The following TSPEAR variants were observed in gnomAD, a reference collection of about 807,000 sequenced individuals.
The protein encoded by TSPEAR is thrombospondin type laminin G domain and EAR repeats.
In TSPEAR, 69 loss-of-function variants were observed where a neutral mutation model predicts 71.6. That is an observed-to-expected ratio of 0.96 (90% CI 0.79 to 1.18). The LOEUF is 1.18. Ranked by LOEUF, TSPEAR falls within the 50% of genes most tolerant of loss-of-function variation. The pLI is 0.00. For synonymous variants in TSPEAR, 402 were observed against 387.2 expected (o/e 1.04, Z -0.45); for missense variants, 971 against 894.9 (o/e 1.09, Z -1.09).
intron 1 of TSPEAR, chr21:44,592,526 A>G (rs1980053305): frequency 1.3e-6 from 2 of 1,566,604 alleles, no homozygotes; most frequent in Non-Finnish European, 1.7e-6. Context: ...TGAGCCTGTG[A>G]GGTGCTGAGG....
intron 1 of TSPEAR, among the ~76,000 whole-genome samples, chr21:44,582,831 CTTCT>C (rs1555925321): frequency 7.8e-5 from 4 of 51,374 alleles, no homozygotes; most frequent in Non-Finnish European, 1.6e-4. Context: ...TCTTTTCTTC[CTTCT>C]TTCTTTCTTT....
rs587735747 is a variant in TSPEAR, at chr21:44,512,452, G to C, written c.1567-3066C>G. On this transcript the variant is annotated intron_variant, in intron 9 of 11. Transcript: ENST00000323084. Reference sequence around the variant, plus strand: ...GGTACATCCCTAGGGATGGAGACAGGGGCTTTGGGAGACCACTCAGAGAAC... The same window carrying C: ...GGTACATCCCTAGGGATGGAGACAGCGGCTTTGGGAGACCACTCAGAGAAC... Among the ~76,000 whole-genome samples, 16 of 152,200 alleles carry C rather than the reference G, an allele frequency of 1.1e-4. No homozygotes were observed. In the East Asian group the frequency reaches 2.9e-3, roughly 28 times the overall value.
chr21:44,590,754 A>C (rs1555926379), intron 1 of TSPEAR, among the ~76,000 whole-genome samples: 1 of 150,900 alleles, frequency 6.6e-6, no homozygotes, highest in African/African-American at 2.5e-5. Flanking sequence ...GGGAGGGTGA[A>C]TGTGGCTCAG....
At chr21:44,515,036 C>T (rs370712044) in intron 9 of TSPEAR, among the ~76,000 whole-genome samples, 1 of 152,194 alleles carries the variant, frequency 6.6e-6, no homozygotes, top group Admixed American at 6.5e-5. Flanking sequence ...ACCCCACACC[C>T]CCGCAGACCC....
chr21:44,553,382 CAATACCAAATTT>C (rs1555919377), intron 2 of TSPEAR, among the ~76,000 whole-genome samples: 1 of 152,072 alleles, frequency 6.6e-6, no homozygotes, highest in Non-Finnish European at 1.5e-5. Context: ...AGCAAGTCTT[CAATACCAAATTT>C]AATACCAAAC....
At chr21:44,518,917 C>G (rs2052670671) in intron 9 of TSPEAR, 2 of 256,488 alleles carry the variant, frequency 7.8e-6, no homozygotes, top group Middle Eastern at 4.7e-4. Flanking sequence ...TGGTGTGGAG[C>G]CCCGGGTGTT....
chr21:44,550,685 T>A lies in TSPEAR; in HGVS notation c.304-16762A>T, dbSNP rs371477787. 3.9e-5 allele frequency: 63 copies of A among 1,613,088 alleles called. No individual in the cohort carries two copies. The African/African-American group carries it at 7.9e-4, about 20-fold the overall frequency. Reference sequence around the variant, plus strand: ...TGAGCCCGGCTGGCCCTGGGGGACATGGCCATCAGCAGCTAGACTTTTGGC... The same window carrying A: ...TGAGCCCGGCTGGCCCTGGGGGACAAGGCCATCAGCAGCTAGACTTTTGGC... On this transcript the variant is annotated intron_variant, in intron 2 of 11. Transcript: ENST00000323084.
intron 1 of TSPEAR, chr21:44,600,502 G>A (rs1036133842): frequency 2.1e-5 from 26 of 1,218,480 alleles, no homozygotes; most frequent in African/African-American, 1.2e-4. Context: ...CACTCCAGCT[G>A]GGACAACAGA....
At position 44,711,460 on chromosome 21, in the gene TSPEAR, C is replaced by T. The variant is rs782382942; in HGVS notation, c.55G>A (p.Gly19Ser). The T allele has an allele frequency of 1.7e-5, 28 of 1,610,604 alleles. No homozygotes were observed. The South Asian group carries it at 2.0e-4, about 11-fold the overall frequency. The change falls in exon 1 of 12, where the codon GGC becomes AGC. Residue 19 changes from glycine to serine, a missense_variant. Coordinates refer to ENST00000323084, the MANE Select transcript of TSPEAR (RefSeq NM_144991.3). The surrounding 1 kb of genome is among the most constrained non-coding windows in gnomAD (Gnocchi z 4.5). ...FVLPLAAPGH[G>S]TQGWEPCTDL... ...GTGCAGGGCTCCCAACCCTGCGTGC[C>T]GTGGCCGGGGGCCGCCAGGGGCAGC...
intron 1 of TSPEAR, chr21:44,573,710 A>C: frequency 6.3e-7 from 1 of 1,583,584 alleles, no homozygotes; most frequent in Non-Finnish European, 8.6e-7. Context: ...TCGCTCACCC[A>C]CTCCCTCCCA....
rs1210227424 is a variant in TSPEAR at position 44,700,498 on chromosome 21, C to T, written c.82+10935G>A. Among the ~76,000 whole-genome samples, 3 of 152,162 alleles carry T rather than the reference C, an allele frequency of 2.0e-5. No individual in the cohort carries two copies. In the East Asian group the frequency reaches 5.8e-4, roughly 29 times the overall value. On this transcript the variant is annotated intron_variant, in intron 1 of 11. Coordinates refer to ENST00000323084, the MANE Select transcript of TSPEAR (RefSeq NM_144991.3). The stretch of plus-strand genomic sequence containing the variant: ...CCCAGAACCCCCCTTGCCAACCAAA[C>T]AGCACACAGTGAGAGGGGCCTGGAG...
At chr21:44,646,339 C>G in intron 1 of TSPEAR, 1 of 1,414,104 alleles carries the variant, frequency 7.1e-7, no homozygotes, top group Non-Finnish European at 9.6e-7. Context: ...CCTGTTGGGA[C>G]AACACATGCC....
intron 1 of TSPEAR, among the ~76,000 whole-genome samples, chr21:44,681,265 T>TCAGTGCTC (rs1986571578): frequency 6.6e-6 from 1 of 152,230 alleles, no homozygotes; most frequent in African/African-American, 2.4e-5. Context: ...AGCCCGATCC[T>TCAGTGCTC]CAGTGCTCTG....
chr21:44,707,939 G>A (rs1988017116), intron 1 of TSPEAR, among the ~76,000 whole-genome samples: 1 of 151,656 alleles, frequency 6.6e-6, no homozygotes, highest in African/African-American at 2.4e-5. Flanking sequence ...GAGCCCTGGG[G>A]GTCACACACA....
intron 2 of TSPEAR, among the ~76,000 whole-genome samples, chr21:44,551,846 G>A (rs587728685): frequency 9.2e-5 from 14 of 152,146 alleles, no homozygotes; most frequent in South Asian, 8.3e-4. Context: ...CTCTGGGCCC[G>A]GGGGAGGCCC....
Position 44,573,878 on chromosome 21 carries a change from C to G in TSPEAR, c.83-5873G>C, listed in dbSNP as rs1348143980. On this transcript the variant is annotated intron_variant, in intron 1 of 11. Coordinates refer to ENST00000323084, the MANE Select transcript of TSPEAR (RefSeq NM_144991.3). ...GCCCAGAGAGCTGCTGCGAGCCCCC[C>G]TGCTGCGCCCCCAGCTGCTGCGCCC... 5 of 1,608,966 alleles carry G rather than the reference C, an allele frequency of 3.1e-6. No homozygotes were observed. The South Asian group carries it at 3.3e-5, about 11-fold the overall frequency.
chr21:44,533,309 G>A (rs1444032950), intron 3 of TSPEAR, among the ~76,000 whole-genome samples: 1 of 152,202 alleles, frequency 6.6e-6, no homozygotes, highest in Non-Finnish European at 1.5e-5. Flanking sequence ...CTCACCCCAT[G>A]CAGCCCTGCA....
chr21:44,504,228 G>T (rs186145257), intron 11 of TSPEAR, among the ~76,000 whole-genome samples: 2 of 133,444 alleles, frequency 1.5e-5, no homozygotes, highest in African/African-American at 6.1e-5. Context: ...AGCCGGCCTC[G>T]GTGAGCCCTC....
intron 1 of TSPEAR, among the ~76,000 whole-genome samples, chr21:44,689,711 G>A (rs3052793): frequency 0.059 from 1,073 of 18,300 alleles, 138 homozygotes; most frequent in African/African-American, 0.18. Context: ...AGAATAGAAT[G>A]AATATATATA....
Sources: allele counts gnomAD v4.1 joint callset (sites outside exome capture counted in the v4.1 genomes callset), GRCh38; gene constraint gnomAD v4.1.1; non-coding constraint Gnocchi (gnomAD v3.1); transcripts MANE v1.5; gene names NCBI Gene and HGNC (gene_info 2026-07-23, HGNC 2026-07-21).